The following HEYL variants were observed in gnomAD, a reference collection of about 807,000 sequenced individuals.
The protein encoded by HEYL is hairy/enhancer-of-split related with YRPW motif-like protein.
HEYL carries 12 observed loss-of-function variants against 18.6 expected under a neutral mutation model. The ratio of observed to expected loss-of-function variants is 0.65; its 90% CI spans 0.41 to 1.05. HEYL has a LOEUF of 1.05. Among genes scored for constraint, HEYL ranks in the 50% least tolerant of loss-of-function variants. The pLI, the probability that HEYL is intolerant of heterozygous loss-of-function variation, is 0.00. For synonymous variants in HEYL, 159 were observed against 179.6 expected (o/e 0.89, Z 0.91); for missense variants, 420 against 444.7 (o/e 0.94, Z 0.50).
intron 1 of HEYL, among the ~76,000 whole-genome samples, chr1:39,638,471 A>G (rs1208973893): frequency 6.6e-6 from 1 of 152,228 alleles, no homozygotes; most frequent in East Asian, 1.9e-4. Flanking sequence ...AAAGAAAGAA[A>G]GAATTAACTG....
rs898546120 is a variant in HEYL at position 39,623,624 on chromosome 1, G to A, written c.*2883C>T. Among the ~76,000 whole-genome samples, 4 of 152,208 alleles carry A rather than the reference G, an allele frequency of 2.6e-5. No homozygotes were observed. Among genetic ancestry groups the A allele is most frequent in the Non-Finnish European group, 4.4e-5 (3 of 68,036 alleles). On this transcript the variant is annotated 3_prime_UTR_variant, in exon 5 of 5. Transcript: ENST00000372852. Reference sequence around the variant, plus strand: ...TGCAGTGGCAAATTCTCCATGAAGGGAAAGAACAGAGGCCTTGTGATAGAG... The same window carrying A: ...TGCAGTGGCAAATTCTCCATGAAGGAAAAGAACAGAGGCCTTGTGATAGAG...
At chr1:39,634,020 T>G (rs1307281756) in intron 1 of HEYL, 1 of 152,256 alleles carries the variant, frequency 6.6e-6, no homozygotes, top group African/African-American at 2.4e-5. Flanking sequence ...ATCTCCACAC[T>G]GCAGGCAGAG....
At chr1:39,635,075 G>T (rs948522735) in intron 1 of HEYL, among the ~76,000 whole-genome samples, 3 of 152,246 alleles carry the variant, frequency 2.0e-5, no homozygotes, top group African/African-American at 7.2e-5. Context: ...GGTTGCAGAA[G>T]AGACCAGATA....
Position 39,625,035 on chromosome 1 carries a change from C to T in HEYL, c.*1472G>A, listed in dbSNP as rs1210444735. On this transcript the variant is annotated 3_prime_UTR_variant, in exon 5 of 5. Coordinates refer to ENST00000372852, the MANE Select transcript of HEYL (RefSeq NM_014571.4). ...GGGAGAATCTTCCCAGGGGTGACAA[C>T]TGAAGTATCTAACCAGTGTGGAATG... 6.6e-6 allele frequency: 1 copy of T among 152,156 alleles called. No homozygotes were observed. Among genetic ancestry groups the T allele is most frequent in the Non-Finnish European group, 1.5e-5 (1 of 68,080 alleles). The allele number at this position is 152,156 out of a possible 1,614,324, so 9.4% of individuals were successfully genotyped here.
intron 1 of HEYL, among the ~76,000 whole-genome samples, chr1:39,639,266 T>C (rs1164263723): frequency 6.6e-6 from 1 of 152,144 alleles, no homozygotes. Context: ...CTTCAACAGA[T>C]AGATGATAAC....
intron 1 of HEYL, 120 bp downstream of exon 1, chr1:39,639,426 G>T: frequency 1.4e-6 from 1 of 712,760 alleles, no homozygotes; most frequent in Non-Finnish European, 2.2e-6. Flanking sequence ...TGGCCCCCGC[G>T]CTCACCTGCC....
intron 1 of HEYL, among the ~76,000 whole-genome samples, chr1:39,634,283 C>A (rs1031038265): frequency 6.6e-6 from 1 of 152,092 alleles, no homozygotes; most frequent in Non-Finnish European, 1.5e-5. Context: ...TTAGTAGAGA[C>A]GGGGTTTCAC....
chr1:39,628,667 G>C (rs750768309), intron 4 of HEYL, among the ~76,000 whole-genome samples: 1 of 151,988 alleles, frequency 6.6e-6, no homozygotes, highest in Non-Finnish European at 1.5e-5. Context: ...GTGCGATCTC[G>C]ACTCACTGAA....
At chr1:39,630,348 A>T (rs1391131475) in intron 3 of HEYL, 40 bp from the exon 4 acceptor site, 2 of 1,493,560 alleles carry the variant, frequency 1.3e-6, no homozygotes, top group South Asian at 1.1e-5. Context: ...CCTGCAGCTG[A>T]CCATGTAGCT....
chr1:39,630,994 G>A (rs1473117518), intron 3 of HEYL, among the ~76,000 whole-genome samples: 1 of 152,208 alleles, frequency 6.6e-6, no homozygotes, highest in Non-Finnish European at 1.5e-5. Context: ...ATGCCTTGGT[G>A]CATAGGGTGA....
At position 39,624,136 on chromosome 1, in the gene HEYL, G is replaced by T. The variant is rs963787313; in HGVS notation, c.*2371C>A. On this transcript the variant is annotated 3_prime_UTR_variant, in exon 5 of 5. Transcript: ENST00000372852. ...GATGGACTCCAGAGATAGTTTAGAAGTAGAATCTACTGGAAGTTTCCAGAA... is the reference window on the plus strand; with the variant it reads ...GATGGACTCCAGAGATAGTTTAGAATTAGAATCTACTGGAAGTTTCCAGAA... 1.3e-5 allele frequency: 2 copies of T among 152,246 alleles called. No individual in the cohort carries two copies. The highest frequency in any genetic ancestry group is 2.9e-5 in the Non-Finnish European group (2 of 68,062). The allele number at this position is 152,246 out of a possible 1,614,324, so 9.4% of individuals were successfully genotyped here.
At chr1:39,632,790 G>A (rs531111336) in intron 1 of HEYL, 75 bp from the exon 2 acceptor site, 4 of 1,590,330 alleles carry the variant, frequency 2.5e-6, no homozygotes, top group South Asian at 2.3e-5. Context: ...CTCGGGCCAG[G>A]AGGAGCCACA....
In HEYL at chr1:39,627,222, A is replaced by G. The variant is rs768395303; in HGVS notation, c.314-42T>C. The G allele has an allele frequency of 5.8e-5, 90 of 1,551,260 alleles. 1 individual carries two copies. In the Middle Eastern group the frequency reaches 1.4e-3, roughly 24 times the overall value. ...GATGAAGGTCATGCCAGGTGTGGGG[A>G]GAAGCATGGAGCCTGGGTCTGACTG... On this transcript the variant is annotated intron_variant, in intron 4 of 4. Coordinates refer to ENST00000372852, the MANE Select transcript of HEYL (RefSeq NM_014571.4).
chr1:39,634,551 C>T (rs1646352607), intron 1 of HEYL, among the ~76,000 whole-genome samples: 1 of 152,180 alleles, frequency 6.6e-6, no homozygotes, highest in Admixed American at 6.5e-5. Context: ...CCTAGGTCCA[C>T]CATCTTTGGT....
chr1:39,626,207 G>C lies in HEYL; in HGVS notation c.*300C>G. 3.1e-6 allele frequency: 1 copy of C among 318,052 alleles called. No individual in the cohort carries two copies. Among genetic ancestry groups the C allele is most frequent in the Non-Finnish European group, 5.7e-6 (1 of 174,036 alleles). The allele number at this position is 318,052 out of a possible 1,614,324, so 19.7% of individuals were successfully genotyped here. A position where few individuals can be genotyped will look rare whatever the true frequency, so the allele number is the denominator to read the frequency against. On this transcript the variant is annotated 3_prime_UTR_variant, in exon 5 of 5. Coordinates refer to ENST00000372852, the MANE Select transcript of HEYL (RefSeq NM_014571.4). Reference sequence around the variant, plus strand: ...GGTTCATGCCTGCTGCTGGTGTGCAGAGGGCAGGAGAGGGGTCTGGGCGGA... The same window carrying C: ...GGTTCATGCCTGCTGCTGGTGTGCACAGGGCAGGAGAGGGGTCTGGGCGGA...
intron 4 of HEYL, among the ~76,000 whole-genome samples, chr1:39,628,127 G>C (rs1343446953): frequency 6.6e-6 from 1 of 152,214 alleles, no homozygotes; most frequent in Non-Finnish European, 1.5e-5. Context: ...CAAATATCTA[G>C]TCCTTGGTTC....
chr1:39,636,521 C>T (rs1240903922), intron 1 of HEYL, among the ~76,000 whole-genome samples: 1 of 152,164 alleles, frequency 6.6e-6, no homozygotes, highest in African/African-American at 2.4e-5. Flanking sequence ...CCACCTCAGC[C>T]TCCCAAAGTG....
At chr1:39,636,510 C>T (rs1646363061) in intron 1 of HEYL, among the ~76,000 whole-genome samples, 1 of 152,136 alleles carries the variant, frequency 6.6e-6, no homozygotes, top group Non-Finnish European at 1.5e-5. Flanking sequence ...TCGTGATCCA[C>T]CCACCTCAGC....
At chr1:39,635,944 A>C (rs1032621472) in intron 1 of HEYL, among the ~76,000 whole-genome samples, 1 of 152,190 alleles carries the variant, frequency 6.6e-6, no homozygotes. Context: ...GTTGACCATC[A>C]AGATCTGCTC....
Sources: allele counts gnomAD v4.1 joint callset (sites outside exome capture counted in the v4.1 genomes callset), GRCh38; gene constraint gnomAD v4.1.1; transcripts MANE v1.5; gene names NCBI Gene and HGNC (gene_info 2026-07-23, HGNC 2026-07-21).